Variants in LRP2 observed in about 807,000 individuals in gnomAD.
The protein encoded by LRP2 is LDL receptor related protein 2.
LRP2 carries 172 observed loss-of-function variants against 531.0 expected under a neutral mutation model. That is an observed-to-expected ratio of 0.32 (90% CI 0.29 to 0.37). LRP2 has a LOEUF of 0.37. Ranked by LOEUF, LRP2 falls within the 10% of genes least tolerant of loss-of-function variation. The pLI is 1.00. For synonymous variants in LRP2, 1,992 were observed against 2,027.6 expected, an observed-to-expected ratio of 0.98 and a Z score of 0.47; for missense variants, 5,167 against 5,868.3, an observed-to-expected ratio of 0.88 and a Z score of 3.90.
At chr2:169,162,396 A>G (rs920034402) in intron 63 of LRP2, 76 bp downstream of exon 63, 1 of 1,536,088 alleles carries the variant, frequency 6.5e-7, no homozygotes, top group Admixed American at 1.7e-5. Flanking sequence ...GTCAGTGTCT[A>G]CATTATGTTA....
chr2:169,140,349 A>C (rs1685672432), intron 72 of LRP2, 106 bp downstream of exon 72: 3 of 845,720 alleles, frequency 3.5e-6, no homozygotes, highest in Non-Finnish European at 6.0e-6. Context: ...TGTAAGAATT[A>C]GTGAACTGGT....
intron 47 of LRP2, among the ~76,000 whole-genome samples, chr2:169,193,494 T>G (rs1313746029): frequency 4.0e-5 from 6 of 150,822 alleles, no homozygotes. Flanking sequence ...TTTGTGGGTT[T>G]TTTTTTTCCC....
At chr2:169,235,760 C>A in intron 29 of LRP2, 80 bp downstream of exon 29, 3 of 1,119,520 alleles carry the variant, frequency 2.7e-6, no homozygotes, top group East Asian at 2.4e-5. Flanking sequence ...AAATTAATTT[C>A]TTAGCTTTTC....
At chr2:169,359,530 A>C (rs1686087961) in intron 1 of LRP2, among the ~76,000 whole-genome samples, 1 of 152,220 alleles carries the variant, frequency 6.6e-6, no homozygotes. Flanking sequence ...AAAGGCTGTT[A>C]CAATCTCATT....
intron 9 of LRP2, 43 bp from the exon 10 acceptor site, chr2:169,283,044 A>G: frequency 6.2e-7 from 1 of 1,609,148 alleles, no homozygotes; most frequent in East Asian, 2.2e-5. Flanking sequence ...GGTTATCAGC[A>G]TTTATTAAGC....
At chr2:169,263,252 A>C (rs1306787578) in intron 16 of LRP2, among the ~76,000 whole-genome samples, 3 of 152,192 alleles carry the variant, frequency 2.0e-5, no homozygotes, top group Non-Finnish European at 2.9e-5. Flanking sequence ...AATGGGATCT[A>C]ATTAAACTAA....
At chr2:169,220,709 A>G (rs1175208437) in intron 33 of LRP2, 146 bp from the exon 34 acceptor site, 3 of 664,860 alleles carry the variant, frequency 4.5e-6, no homozygotes, top group Non-Finnish European at 8.2e-6. Flanking sequence ...CAGATAATCT[A>G]TATTGCACTT....
Position 169,129,110 on chromosome 2 carries a change from C to A in LRP2, c.13729-26G>T, listed in dbSNP as rs150122414. On this transcript the variant is annotated intron_variant, in intron 77 of 78. Coordinates refer to ENST00000649046, the MANE Select transcript of LRP2 (RefSeq NM_004525.3). ...CTAAATGAAAAGGGGAAAACAAAAA[C>A]CTCTCAGTAATGGAATTATTTTGTG... is the stretch of plus-strand genomic sequence containing the variant. The A allele has an allele frequency of 2.0e-3, 2,960 of 1,449,042 alleles. 50 individuals carry two copies. In the African/African-American group the frequency reaches 0.036, roughly 18 times the overall value. 89.8% of individuals were successfully genotyped at this position (1,449,042 alleles called of 1,614,324 possible).
intron 1 of LRP2, among the ~76,000 whole-genome samples, chr2:169,334,308 C>T (rs1007160438): frequency 2.6e-5 from 4 of 152,090 alleles, no homozygotes; most frequent in African/African-American, 9.7e-5. Flanking sequence ...TACTAACTGA[C>T]ACACAAATAA....
chr2:169,162,653 T>C, intron 62 of LRP2, 53 bp from the exon 63 acceptor site: 1 of 1,567,498 alleles, frequency 6.4e-7, no homozygotes, highest in Non-Finnish European at 8.8e-7. Flanking sequence ...TGAAGCAAGA[T>C]ACTTCCTTCT....
intron 16 of LRP2, among the ~76,000 whole-genome samples, chr2:169,269,406 A>C (rs1247328722): frequency 6.6e-6 from 1 of 152,222 alleles, no homozygotes; most frequent in African/African-American, 2.4e-5. Context: ...CAAAACAGAG[A>C]TATAGACCAA....
At chr2:169,193,730 C>A (rs1282344195) in intron 47 of LRP2, 31 bp downstream of exon 47, 1 of 1,614,006 alleles carries the variant, frequency 6.2e-7, no homozygotes, top group East Asian at 2.2e-5. Context: ...TGGAATGTGA[C>A]TCTGCAGAGG....
chr2:169,336,538 A>T (rs1304110886), intron 1 of LRP2, among the ~76,000 whole-genome samples: 1 of 126,394 alleles, frequency 7.9e-6, no homozygotes, highest in Non-Finnish European at 1.5e-5. Context: ...AGACTCCATC[A>T]CACACACACA....
At chr2:169,238,050 G>A (rs1211456095) in intron 27 of LRP2, 41 bp downstream of exon 27, 2 of 1,558,838 alleles carry the variant, frequency 1.3e-6, no homozygotes, top group Middle Eastern at 1.7e-4. Flanking sequence ...ACCCAAGACA[G>A]AGGAACTAGC....
chr2:169,198,052 T>G (rs997045730), intron 45 of LRP2, among the ~76,000 whole-genome samples: 1 of 152,216 alleles, frequency 6.6e-6, no homozygotes, highest in Non-Finnish European at 1.5e-5. Flanking sequence ...ATTGTTTGAA[T>G]GAACCAAATT....
In LRP2 at chr2:169,289,045, A is replaced by T. The variant is rs1376422316; in HGVS notation, c.1023T>A (p.Asn341Lys). 1 of 1,614,100 alleles carries T rather than the reference A, an allele frequency of 6.2e-7. No individual in the cohort carries two copies. The highest frequency in any genetic ancestry group is 1.7e-5 in the Admixed American group (1 of 60,028). ...FCPPGYIINH[N>K]DSRTCVEFDD... ...ACTTACCAACACAGGTACGGCTGTC[A>T]TTGTGGTTGATGATATAACCTGGGG... The change falls in exon 9 of 79, where the codon AAT becomes AAA. Residue 341 changes from asparagine to lysine, a missense_variant. By Grantham distance (94) the Asn-to-Lys change is moderately conservative. Around this residue, in one of 6 missense-constraint regions of LRP2, gnomAD observed 2,811 missense variants for 3,058.0 expected, o/e 0.92. Coordinates refer to ENST00000649046, the MANE Select transcript of LRP2 (RefSeq NM_004525.3).
intron 24 of LRP2, among the ~76,000 whole-genome samples, chr2:169,241,672 C>T (rs1689811587): frequency 6.6e-6 from 1 of 152,084 alleles, no homozygotes; most frequent in African/African-American, 2.4e-5. Flanking sequence ...AATGTACTTC[C>T]AATTGCAGAT....
intron 32 of LRP2, among the ~76,000 whole-genome samples, chr2:169,226,093 C>T (rs1420302131): frequency 6.6e-6 from 1 of 152,224 alleles, no homozygotes; most frequent in Non-Finnish European, 1.5e-5. Context: ...ATTGTGACTG[C>T]TGCTTCTTGG....
At chr2:169,361,875 G>A (rs1190781387) in intron 1 of LRP2, among the ~76,000 whole-genome samples, 1 of 152,118 alleles carries the variant, frequency 6.6e-6, no homozygotes, top group Non-Finnish European at 1.5e-5. Flanking sequence ...CGCGGCCCTG[G>A]GCGCGCGAAG....
Sources: gnomAD v4.1 joint callset for allele counts (sites outside exome capture counted in the v4.1 genomes callset) on GRCh38, gnomAD v4.1.1 for gene constraint, gnomAD v4.1.1 regional missense constraint, MANE v1.5 for transcripts, NCBI Gene and HGNC (gene_info 2026-07-23, HGNC 2026-07-21) for gene names.